Variants in CLIC5 observed in about 807,000 individuals in gnomAD.
CLIC5 encodes the protein CLIC family member 5, also known as chloride intracellular channel protein 5.
CLIC5 carries 20 observed loss-of-function variants against 24.7 expected under a neutral mutation model. The observed-to-expected ratio is 0.81, with a 90% CI of 0.57 to 1.18. The LOEUF (loss-of-function observed/expected upper bound fraction) is 1.18, where lower values mean the gene tolerates loss of function less well. CLIC5 is among the 50% of genes most tolerant of loss of function. The pLI is 0.00. For missense variants in CLIC5, 341 were observed against 326.1 expected (o/e 1.05, Z -0.35); for synonymous variants, 159 against 135.6 (o/e 1.17, Z -1.20).
chr6:46,063,209 G>T (rs1156314364), intron 1 of CLIC5, among the ~76,000 whole-genome samples: 1 of 152,126 alleles, frequency 6.6e-6, no homozygotes, highest in Non-Finnish European at 1.5e-5. Flanking sequence ...ATGACTACAT[G>T]CCAAACTCCA....
chr6:46,042,482 C>T (rs973158911), intron 1 of CLIC5, among the ~76,000 whole-genome samples: 5 of 152,038 alleles, frequency 3.3e-5, no homozygotes, highest in Non-Finnish European at 7.4e-5. Flanking sequence ...GGCAGGCAGG[C>T]CTTGGGAGGC....
upstream of CLIC5, among the ~76,000 whole-genome samples, chr6:46,017,877 C>G (rs759213713): frequency 2.1e-4 from 32 of 152,352 alleles, no homozygotes; most frequent in Non-Finnish European, 3.5e-4. Flanking sequence ...TCCCCACAGA[C>G]TCTCAGTGCA....
rs576128818 is a variant in CLIC5 at position 45,988,348 on chromosome 6, C to T, written c.63+27132G>A. 2.6e-5 allele frequency among the ~76,000 whole-genome samples: 4 copies of T among 152,266 alleles called. No individual in the cohort carries two copies. In the South Asian group the frequency reaches 8.3e-4, roughly 32 times the overall value. On this transcript the variant is annotated intron_variant, in intron 1 of 5. Transcript: ENST00000339561. ...TAGCCTGCTGGGGTGGCAGTTCTGC[C>T]CCCATGACTCTGCCAAGTCAGGTTT...
At position 46,015,585 on chromosome 6, in the gene CLIC5, C is replaced by T. The variant is rs754060672; in HGVS notation, c.-43G>A. 2.6e-6 allele frequency: 4 copies of T among 1,538,012 alleles called. No homozygotes were observed. In the Admixed American group the frequency reaches 8.0e-5, roughly 31 times the overall value. On this transcript the variant is annotated 5_prime_UTR_variant, in exon 1 of 6. Coordinates refer to ENST00000339561, the MANE Select transcript of CLIC5 (RefSeq NM_016929.5). Reference sequence around the variant, plus strand: ...CTACCGTCCCGGGCCGGGGAGGCGCCACCTCTGCAGCACCTGGGCCAGCAC... The same window carrying T: ...CTACCGTCCCGGGCCGGGGAGGCGCTACCTCTGCAGCACCTGGGCCAGCAC...
intron 1 of CLIC5, among the ~76,000 whole-genome samples, chr6:46,025,946 T>C (rs2127452835): frequency 6.6e-6 from 1 of 152,276 alleles, no homozygotes; most frequent in Admixed American, 6.5e-5. Context: ...TGATTGTGAG[T>C]TTCCTGAGGC....
intron 1 of CLIC5, among the ~76,000 whole-genome samples, chr6:46,026,302 T>C (rs569607188): frequency 6.6e-6 from 1 of 152,238 alleles, no homozygotes; most frequent in Non-Finnish European, 1.5e-5. Flanking sequence ...ATTTAAGCTG[T>C]TTTCTGTTTC....
chr6:46,105,787 C>G, the CLIC5 span, among the ~76,000 whole-genome samples: 1 of 152,180 alleles, frequency 6.6e-6, no homozygotes, highest in Non-Finnish European at 1.5e-5. Flanking sequence ...TAAGAGAGAA[C>G]TTGACCTTTA....
the CLIC5 span, among the ~76,000 whole-genome samples, chr6:46,089,853 G>T: frequency 6.6e-6 from 1 of 152,112 alleles, no homozygotes; most frequent in Non-Finnish European, 1.5e-5. Context: ...TACATTTTGG[G>T]ACATATTTTC....
intron 4 of CLIC5, among the ~76,000 whole-genome samples, chr6:45,936,764 C>T (rs543751198): frequency 2.0e-4 from 30 of 152,068 alleles, no homozygotes; most frequent in African/African-American, 2.9e-4. Flanking sequence ...TTAGAAACAC[C>T]GTCCTTATCC....
chr6:46,084,511 T>G (rs1734568577), upstream of CLIC5, among the ~76,000 whole-genome samples: 1 of 152,174 alleles, frequency 6.6e-6, no homozygotes, highest in African/African-American at 2.4e-5. Flanking sequence ...TGTAAAGTAT[T>G]TTATTTCTCC....
the CLIC5 span, among the ~76,000 whole-genome samples, chr6:46,128,812 T>A: frequency 6.6e-6 from 1 of 152,174 alleles, no homozygotes; most frequent in Non-Finnish European, 1.5e-5. Context: ...AAGATGCCCA[T>A]ATTCACCAAT....
chr6:45,953,323 C>G (rs1245445726), intron 2 of CLIC5, among the ~76,000 whole-genome samples: 1 of 152,080 alleles, frequency 6.6e-6, no homozygotes, highest in Non-Finnish European at 1.5e-5. Context: ...AATCACGACA[C>G]AAGGCAACAT....
chr6:46,102,570 T>C, the CLIC5 span: 1 of 152,664 alleles, frequency 6.6e-6, no homozygotes, highest in African/African-American at 2.4e-5. Flanking sequence ...AGAAGAACTT[T>C]TATTTCTGAT....
At chr6:45,985,754 G>T (rs1032701364) in intron 1 of CLIC5, among the ~76,000 whole-genome samples, 50 of 152,130 alleles carry the variant, frequency 3.3e-4, no homozygotes, top group African/African-American at 1.2e-3. Context: ...TCCTTCCAGT[G>T]ACTCTTTTTG....
intron 1 of CLIC5, among the ~76,000 whole-genome samples, chr6:45,997,574 G>A (rs1766195982): frequency 1.3e-5 from 2 of 150,702 alleles, no homozygotes; most frequent in Admixed American, 6.6e-5. Context: ...GGCCTAAGAA[G>A]CGTGTTCAAA....
At chr6:46,041,239 G>A (rs529638539) in intron 1 of CLIC5, among the ~76,000 whole-genome samples, 208 of 152,196 alleles carry the variant, frequency 1.4e-3, no homozygotes, top group Non-Finnish European at 2.3e-3. Context: ...GTTTAATAAA[G>A]GTTTCATATT....
At chr6:46,109,039 C>A in the CLIC5 span, among the ~76,000 whole-genome samples, 1 of 152,058 alleles carries the variant, frequency 6.6e-6, no homozygotes, top group Non-Finnish European at 1.5e-5. Context: ...TATAGATTCC[C>A]TAAATTCTTA....
intron 1 of CLIC5, among the ~76,000 whole-genome samples, chr6:46,077,044 G>A (rs1299937147): frequency 6.6e-6 from 1 of 151,910 alleles, no homozygotes; most frequent in African/African-American, 2.4e-5. Context: ...GGCAGAGGTT[G>A]CAGTGAGCTG....
chr6:45,919,618 A>G (rs896079360), intron 4 of CLIC5, among the ~76,000 whole-genome samples: 2 of 152,192 alleles, frequency 1.3e-5, no homozygotes, highest in African/African-American at 4.8e-5. Flanking sequence ...GCCTTGCTGC[A>G]TAGCCAGTAC....
Sources: gnomAD v4.1 joint callset for allele counts (sites outside exome capture counted in the v4.1 genomes callset) on GRCh38, gnomAD v4.1.1 for gene constraint, MANE v1.5 for transcripts, NCBI Gene and HGNC (gene_info 2026-07-23, HGNC 2026-07-21) for gene names.